The following FBXO9 variants were observed in gnomAD, a reference collection of about 807,000 sequenced individuals.
FBXO9 encodes F-box protein 9, also known as F-box only protein 9.
FBXO9 carries 43 observed loss-of-function variants against 63.7 expected under a neutral mutation model. That is an observed-to-expected ratio of 0.67 (90% CI 0.53 to 0.87). The LOEUF (loss-of-function observed/expected upper bound fraction) is 0.87. Among genes scored for constraint, FBXO9 ranks in the 40% least tolerant of loss-of-function variants. FBXO9 has a pLI of 0.00. For missense variants in FBXO9, 442 were observed against 533.2 expected (o/e 0.83, Z 1.68); for synonymous variants, 156 against 171.7 (o/e 0.91, Z 0.72).
At chr6:53,092,040 G>T in intron 7 of FBXO9, 1 of 182,706 alleles carries the variant, frequency 5.5e-6, no homozygotes, top group Non-Finnish European at 1.1e-5. Flanking sequence ...GCTGGCTCTT[G>T]GATGAGCCCA....
At chr6:53,084,650 A>G (rs188711578) in intron 7 of FBXO9, among the ~76,000 whole-genome samples, 1 of 152,348 alleles carries the variant, frequency 6.6e-6, no homozygotes, top group East Asian at 1.9e-4. Context: ...GAATAGTTTC[A>G]GCTTAAAGGG....
Position 53,093,960 on chromosome 6 carries a change from A to G in FBXO9, c.1035A>G (p.Ile345Met). Residue 345 changes from isoleucine (I) to methionine (M), a missense_variant, in exon 11 of 13, where the codon ATA becomes ATG. By Grantham distance (10) the Ile-to-Met change is conservative (BLOSUM62 1). Coordinates refer to ENST00000323557, the MANE Select transcript of FBXO9 (RefSeq NM_033480.3). ...TDNQTKVFAV[I>M]TKKKEEKPLD... is the part of the protein sequence containing the mutation. ...ATCAGACCAAAGTATTTGCTGTAAT[A>G]ACTAAGAAAAAAGAAGAAGTGAGTA... is the stretch of plus-strand genomic sequence containing the variant. The G allele has an allele frequency of 6.4e-7, 1 of 1,550,590 alleles. No individual in the cohort carries two copies. The highest frequency in any genetic ancestry group is 8.7e-7 in the Non-Finnish European group (1 of 1,146,314).
chr6:53,090,439 T>C (rs1444088482), intron 7 of FBXO9, among the ~76,000 whole-genome samples: 1 of 152,196 alleles, frequency 6.6e-6, no homozygotes, highest in Admixed American at 6.5e-5. Context: ...ATCTAATTGA[T>C]CACAACCAGT....
At chr6:53,068,665 T>A (rs908238291) in intron 1 of FBXO9, among the ~76,000 whole-genome samples, 2 of 150,558 alleles carry the variant, frequency 1.3e-5, no homozygotes, top group African/African-American at 4.9e-5. Flanking sequence ...TTTTTTTTTT[T>A]TTTTTGAGAC....
intron 6 of FBXO9, among the ~76,000 whole-genome samples, chr6:53,082,174 T>C (rs1163957853): frequency 6.6e-6 from 1 of 152,244 alleles, no homozygotes; most frequent in East Asian, 1.9e-4. Flanking sequence ...AAAATAACTT[T>C]AGTGTTAATA....
intron 1 of FBXO9, among the ~76,000 whole-genome samples, chr6:53,070,364 G>A (rs1311537479): frequency 6.6e-6 from 1 of 152,054 alleles, no homozygotes; most frequent in Non-Finnish European, 1.5e-5. Flanking sequence ...CAGTAGTTAT[G>A]TATATTAATG....
Position 53,098,731 on chromosome 6 carries a change from A to G in FBXO9, c.*901A>G, listed in dbSNP as rs749478343. On this transcript the variant is annotated 3_prime_UTR_variant, in exon 13 of 13. Transcript: ENST00000323557. The stretch of plus-strand genomic sequence containing the variant: ...TTAGGACTGGAACACTTCAAGCTCA[A>G]CCAACTGACTCAGTTGTCATTCTTC... 2.6e-5 allele frequency: 4 copies of G among 152,240 alleles called. No homozygotes were observed. Among genetic ancestry groups the G allele is most frequent in the Admixed American group, 6.5e-5 (1 of 15,284 alleles). 9.4% of individuals were successfully genotyped at this position (152,240 alleles called of 1,614,324 possible). A position where few individuals can be genotyped will look rare whatever the true frequency, so the allele number is the denominator to read the frequency against.
Position 53,092,642 on chromosome 6 carries a change from A to T in FBXO9, c.773-92A>T, listed in dbSNP as rs1050789358. Reference sequence around the variant, plus strand: ...TAAATTTTCTGTGATGAATGTGAGTACTGTAAGCATGTTTAAAGGAAACCA... The same window carrying T: ...TAAATTTTCTGTGATGAATGTGAGTTCTGTAAGCATGTTTAAAGGAAACCA... On this transcript the variant is annotated intron_variant, in intron 8 of 12. Transcript: ENST00000323557. 2.9e-6 allele frequency: 4 copies of T among 1,373,598 alleles called. No individual in the cohort carries two copies. In the South Asian group the frequency reaches 3.6e-5, roughly 12 times the overall value. The allele number at this position is 1,373,598 out of a possible 1,614,324, so 85.1% of individuals were successfully genotyped here. A position where few individuals can be genotyped will look rare whatever the true frequency, so the allele number is the denominator to read the frequency against.
intron 3 of FBXO9, 23 bp downstream of exon 3, chr6:53,073,662 C>G: frequency 7.2e-7 from 1 of 1,389,792 alleles, no homozygotes; most frequent in Non-Finnish European, 9.3e-7. Context: ...GATATTGTAA[C>G]AAATTACATT....
At chr6:53,073,268 T>A (rs1768979769) in intron 2 of FBXO9, among the ~76,000 whole-genome samples, 1 of 152,258 alleles carries the variant, frequency 6.6e-6, no homozygotes, top group Admixed American at 6.5e-5. Flanking sequence ...ACATGTATTT[T>A]ATGCTAATTT....
chr6:53,069,330 T>C (rs1768826770), intron 1 of FBXO9, among the ~76,000 whole-genome samples: 1 of 152,220 alleles, frequency 6.6e-6, no homozygotes, highest in Non-Finnish European at 1.5e-5. Context: ...AGAAGCAATG[T>C]TGTATTTCAT....
intron 7 of FBXO9, among the ~76,000 whole-genome samples, chr6:53,083,356 C>T (rs1769373847): frequency 6.6e-6 from 1 of 152,144 alleles, no homozygotes; most frequent in African/African-American, 2.4e-5. Context: ...TATTAAACAC[C>T]TAGTGGATTG....
At chr6:53,080,298 T>G (rs1180927997) in intron 5 of FBXO9, among the ~76,000 whole-genome samples, 3 of 141,290 alleles carry the variant, frequency 2.1e-5, no homozygotes, top group Non-Finnish European at 4.6e-5. Flanking sequence ...CCCTTCCTGG[T>G]TTTTTTTTTT....
chr6:53,076,776 GTTA>G lies in FBXO9; in HGVS notation c.307+238_307+240del, dbSNP rs548940106. On this transcript the variant is annotated intron_variant, in intron 4 of 12. Transcript: ENST00000323557. ...ATATAACTTACTTATTATGTAAATA[GTTA>G]TTATACTGTATTTTTTTTTTAAATT... 3.7e-3 allele frequency among the ~76,000 whole-genome samples: 511 copies of G among 139,386 alleles called. 1 individual carries two copies. Among genetic ancestry groups the G allele is most frequent in the African/African-American group, 0.013 (492 of 37,070 alleles). 91.4% of individuals were successfully genotyped at this position (139,386 alleles called of 152,430 possible).
At chr6:53,067,740 G>A (rs1027516372) in intron 1 of FBXO9, among the ~76,000 whole-genome samples, 5 of 152,080 alleles carry the variant, frequency 3.3e-5, no homozygotes, top group Non-Finnish European at 7.4e-5. Flanking sequence ...GGATTTATAC[G>A]CTCAGTCTTT....
rs775366099 is a variant in FBXO9 at position 53,076,534 on chromosome 6, C to A, written c.298C>A (p.Leu100Ile). Residue 100 changes from leucine (L) to isoleucine (I), a missense_variant, in exon 4 of 13, where the codon CTC (leucine) becomes ATC (isoleucine). Leu to Ile is a conservative substitution (Grantham distance 5). Around this residue, in one of 2 missense-constraint regions of FBXO9, gnomAD observed 180 missense variants for 171.1 expected, o/e 1.05. Coordinates refer to ENST00000323557, the MANE Select transcript of FBXO9 (RefSeq NM_033480.3). ...KAVEEEQNGA[L>I]YEAIKFYRRA... ...AGTAGAAGAAGAACAAAATGGAGCT[C>A]TCTATGAAGGTAAAAATTCAGAGCC... The A allele has an allele frequency of 6.5e-7, 1 of 1,541,712 alleles. No individual in the cohort carries two copies. Among genetic ancestry groups the A allele is most frequent in the East Asian group, 2.4e-5 (1 of 41,166 alleles).
At chr6:53,076,632 G>T (rs560385451) in intron 4 of FBXO9, 89 bp downstream of exon 4, 233 of 937,520 alleles carry the variant, frequency 2.5e-4, no homozygotes, top group Non-Finnish European at 3.4e-4. Flanking sequence ...AACTTATTTG[G>T]TATAGAACAT....
At chr6:53,081,417 G>A (rs2076306) in intron 6 of FBXO9, among the ~76,000 whole-genome samples, 12,191 of 152,086 alleles carry the variant, frequency 0.08, 511 homozygotes, top group Middle Eastern at 0.14. Flanking sequence ...GATTACAGGC[G>A]TGTGCCACCA....
rs1336178690 is a variant in FBXO9, at chr6:53,076,537, T to C, written c.301T>C (p.Tyr101His). 1 of 1,539,478 alleles carries C rather than the reference T, an allele frequency of 6.5e-7. No homozygotes were observed. The highest frequency in any genetic ancestry group is 2.4e-5 in the East Asian group (1 of 41,194). ...AGAAGAAGAACAAAATGGAGCTCTC[T>C]ATGAAGGTAAAAATTCAGAGCCCAG... Reference protein sequence around the residue: ...AVEEEQNGALYEAIKFYRRAM... With the variant: ...AVEEEQNGALHEAIKFYRRAM... Residue 101 changes from tyrosine (Y) to histidine (H), a missense_variant, in exon 4 of 13, where the codon TAT becomes CAT. Around this residue, in one of 2 missense-constraint regions of FBXO9, gnomAD observed 180 missense variants for 171.1 expected, o/e 1.05. Coordinates refer to ENST00000323557, the MANE Select transcript of FBXO9 (RefSeq NM_033480.3).
Sources: allele counts gnomAD v4.1 joint callset (sites outside exome capture counted in the v4.1 genomes callset), GRCh38; gene constraint gnomAD v4.1.1; regional missense constraint gnomAD v4.1.1; transcripts MANE v1.5; gene names NCBI Gene and HGNC (gene_info 2026-07-23, HGNC 2026-07-21).